Variants in POLN observed in about 807,000 individuals in gnomAD.
The protein encoded by POLN is DNA polymerase N.
A neutral mutation model predicts 113.5 loss-of-function variants in POLN; 108 were observed. The ratio of observed to expected loss-of-function variants is 0.95; its 90% CI spans 0.81 to 1.12. POLN has a LOEUF of 1.12. Ranked by LOEUF, POLN falls within the 50% of genes most tolerant of loss-of-function variation. The pLI is 0.00. For missense variants in POLN, 1,097 were observed against 1,077.1 expected (o/e 1.02, Z -0.26); for synonymous variants, 386 against 391.5 (o/e 0.99, Z 0.17).
intron 20 of POLN, among the ~76,000 whole-genome samples, chr4:2,094,167 T>C (rs987848784): frequency 2.6e-5 from 4 of 151,696 alleles, no homozygotes. Context: ...GCCAACATGG[T>C]GAAACCCCAT....
intron 4 of POLN, 40 bp downstream of exon 4, chr4:2,213,007 A>C (rs760742113): frequency 7.1e-7 from 1 of 1,409,536 alleles, no homozygotes; most frequent in Non-Finnish European, 9.9e-7. Context: ...TGAACAAATA[A>C]GTTATCTATT....
intron 16 of POLN, among the ~76,000 whole-genome samples, chr4:2,146,078 T>C (rs1037165261): frequency 2.6e-5 from 4 of 151,824 alleles, no homozygotes; most frequent in African/African-American, 9.7e-5. Context: ...TAAGGAAATA[T>C]ATATATTTAA....
chr4:2,106,628 T>C (rs1731072743), intron 19 of POLN, among the ~76,000 whole-genome samples: 1 of 152,250 alleles, frequency 6.6e-6, no homozygotes, highest in Non-Finnish European at 1.5e-5. Flanking sequence ...TTACAGATGA[T>C]TATTTAACAG....
chr4:2,235,230 A>G (rs1734719001), intron 2 of POLN, among the ~76,000 whole-genome samples: 1 of 152,272 alleles, frequency 6.6e-6, no homozygotes, highest in South Asian at 2.1e-4. Flanking sequence ...AAATTTTTAA[A>G]TCCACCATCG....
intron 11 of POLN, among the ~76,000 whole-genome samples, chr4:2,171,387 TAAAAA>T (rs57338564): frequency 2.3e-5 from 2 of 88,320 alleles, no homozygotes; most frequent in Admixed American, 1.2e-4. Flanking sequence ...ACCCCACCAC[TAAAAA>T]AAAAAAAAAA....
At chr4:2,117,578 T>A (rs914785518) in intron 19 of POLN, among the ~76,000 whole-genome samples, 9 of 152,136 alleles carry the variant, frequency 5.9e-5, no homozygotes, top group African/African-American at 1.7e-4. Context: ...AAATGTGCTA[T>A]GCAATGGTGG....
At chr4:2,187,392 T>C (rs1577753053) in intron 7 of POLN, among the ~76,000 whole-genome samples, 4 of 152,226 alleles carry the variant, frequency 2.6e-5, no homozygotes, top group South Asian at 4.1e-4. Flanking sequence ...TACAGGTATG[T>C]GCCACCATGC....
At chr4:2,154,498 G>A (rs1051182458) in intron 16 of POLN, among the ~76,000 whole-genome samples, 3 of 152,118 alleles carry the variant, frequency 2.0e-5, no homozygotes, top group South Asian at 2.1e-4. Flanking sequence ...TAATCAAAAC[G>A]AAAATTCCTT....
chr4:2,125,638 A>G (rs983402846), intron 19 of POLN, among the ~76,000 whole-genome samples: 2 of 152,160 alleles, frequency 1.3e-5, no homozygotes, highest in Admixed American at 1.3e-4. Context: ...GAAACCAGAG[A>G]GCAGGGAGAA....
intron 3 of POLN, among the ~76,000 whole-genome samples, chr4:2,218,398 T>C (rs1192260018): frequency 1.3e-5 from 2 of 151,990 alleles, no homozygotes; most frequent in East Asian, 3.9e-4. Flanking sequence ...TGAGCTGAGA[T>C]TGTGCCATTG....
At chr4:2,102,494 G>A (rs1730952370) in intron 19 of POLN, among the ~76,000 whole-genome samples, 1 of 152,090 alleles carries the variant, frequency 6.6e-6, no homozygotes. Flanking sequence ...CACAACCACT[G>A]CTACTACCAT....
intron 16 of POLN, among the ~76,000 whole-genome samples, chr4:2,139,228 G>A (rs1731936457): frequency 6.6e-6 from 1 of 152,228 alleles, no homozygotes; most frequent in South Asian, 2.1e-4. Flanking sequence ...CAGGCCCCCA[G>A]GGGGAAGCGT....
intron 24 of POLN, 138 bp downstream of exon 24, chr4:2,075,314 A>T: frequency 1.0e-6 from 1 of 953,300 alleles, no homozygotes; most frequent in Non-Finnish European, 1.6e-6. Flanking sequence ...GACCCAGGTG[A>T]CACAGCAGCA....
At chr4:2,182,675 G>A (rs1482969737) in intron 7 of POLN, among the ~76,000 whole-genome samples, 3 of 151,904 alleles carry the variant, frequency 2.0e-5, no homozygotes, top group African/African-American at 7.3e-5. Flanking sequence ...ACCAAAAATG[G>A]ATCATAAGCC....
chr4:2,222,596 C>A (rs1313188245), intron 3 of POLN, among the ~76,000 whole-genome samples: 1 of 152,030 alleles, frequency 6.6e-6, no homozygotes, highest in Non-Finnish European at 1.5e-5. Flanking sequence ...GCAATCAGGA[C>A]TAAGTCTTGG....
rs1734357543 is a variant in POLN, at chr4:2,225,338, T to C, written c.133+3761A>G. On this transcript the variant is annotated intron_variant, in intron 3 of 25. Transcript: ENST00000511885. Reference sequence around the variant, plus strand: ...GGGAAGCCGAGGTGGGTGGATCACTTGAGGTCAGGAGTTTAAGACCAACCT... The same window carrying C: ...GGGAAGCCGAGGTGGGTGGATCACTCGAGGTCAGGAGTTTAAGACCAACCT... Among the ~76,000 whole-genome samples, 7 of 151,994 alleles carry C rather than the reference T, an allele frequency of 4.6e-5. No homozygotes were observed. In the South Asian group the frequency reaches 1.5e-3, roughly 32 times the overall value.
At chr4:2,205,375 T>C (rs1318492066) in intron 5 of POLN, among the ~76,000 whole-genome samples, 1 of 152,102 alleles carries the variant, frequency 6.6e-6, no homozygotes, top group South Asian at 2.1e-4. Context: ...GGAATATACC[T>C]AACCAAGGAG....
rs1282371148 is a variant in POLN, at chr4:2,127,243, C to T, written c.1982+870G>A. Among the ~76,000 whole-genome samples, 1 of 151,838 alleles carries T rather than the reference C, an allele frequency of 6.6e-6. No homozygotes were observed. The highest frequency in any genetic ancestry group is 1.5e-5 in the Non-Finnish European group (1 of 67,912). On this transcript the variant is annotated intron_variant, in intron 19 of 25. Coordinates refer to ENST00000511885, the MANE Select transcript of POLN (RefSeq NM_181808.4). This position sits in a 1 kb window ranked among gnomAD's most constrained non-coding sequence, Gnocchi z 4.7. ...CAGCTGATGAGGGAGGGGACAGTGACTCAGACACACGGACCTTCCAACAGC... is the reference window on the plus strand; with the variant it reads ...CAGCTGATGAGGGAGGGGACAGTGATTCAGACACACGGACCTTCCAACAGC...
intron 20 of POLN, chr4:2,088,993 T>C: frequency 1.1e-6 from 1 of 869,912 alleles, no homozygotes; most frequent in South Asian, 1.5e-5. Flanking sequence ...TCAGACAGCC[T>C]TTATTGTTTT....
Sources: allele counts gnomAD v4.1 joint callset (sites outside exome capture counted in the v4.1 genomes callset), GRCh38; gene constraint gnomAD v4.1.1; non-coding constraint Gnocchi (gnomAD v3.1); transcripts MANE v1.5; gene names NCBI Gene and HGNC (gene_info 2026-07-23, HGNC 2026-07-21).